PHACTR1: variants seen among roughly 807,000 people sequenced by gnomAD.
PHACTR1 encodes phosphatase and actin regulator 1, also known as RPEL repeat containing 1.
In PHACTR1, 16 loss-of-function variants were observed where a neutral mutation model predicts 69.2. The ratio of observed to expected loss-of-function variants is 0.23; its 90% CI spans 0.16 to 0.35. The LOEUF is 0.35. PHACTR1 is among the 10% of genes least tolerant of loss of function. PHACTR1 has a pLI of 1.00. For missense variants in PHACTR1, 510 were observed against 734.7 expected (o/e 0.69, Z 3.54); for synonymous variants, 312 against 284.5 (o/e 1.10, Z -0.97).
chr6:12,788,082 T>C (rs535656365), intron 4 of PHACTR1, among the ~76,000 whole-genome samples: 1 of 151,698 alleles, frequency 6.6e-6, no homozygotes, highest in South Asian at 2.1e-4. Flanking sequence ...AGCGTGAGTC[T>C]GGGCAGCAGA....
At chr6:12,920,737 G>A (rs1336222711) in intron 4 of PHACTR1, among the ~76,000 whole-genome samples, 2 of 152,222 alleles carry the variant, frequency 1.3e-5, no homozygotes, top group African/African-American at 4.8e-5. Context: ...GGTGAAGTAG[G>A]AGCAAAATAA....
At chr6:13,012,866 T>C (rs1799599127) in intron 4 of PHACTR1, among the ~76,000 whole-genome samples, 1 of 152,124 alleles carries the variant, frequency 6.6e-6, no homozygotes, top group Non-Finnish European at 1.5e-5. Context: ...TAATTACAAG[T>C]TATTGAGCTT....
chr6:12,998,634 A>G (rs1797719085), intron 4 of PHACTR1, among the ~76,000 whole-genome samples: 1 of 151,622 alleles, frequency 6.6e-6, no homozygotes, highest in Non-Finnish European at 1.5e-5. Context: ...AAAAGAAAAG[A>G]AAAAGTAAAA....
chr6:13,284,453 G>A (rs1210652475), intron 13 of PHACTR1, among the ~76,000 whole-genome samples: 1 of 141,716 alleles, frequency 7.1e-6, no homozygotes, highest in African/African-American at 2.7e-5. Context: ...GGAGGTGGAG[G>A]TTGCAGTGAT....
intron 5 of PHACTR1, among the ~76,000 whole-genome samples, chr6:13,055,250 C>G (rs1806591802): frequency 6.6e-6 from 1 of 152,022 alleles, no homozygotes; most frequent in Non-Finnish European, 1.5e-5. Context: ...TAAGTCCCAC[C>G]ACTCTGACTC....
At chr6:12,972,654 CTTTT>C (rs763016264) in intron 4 of PHACTR1, among the ~76,000 whole-genome samples, 7 of 22,336 alleles carry the variant, frequency 3.1e-4, no homozygotes, top group Admixed American at 6.8e-4. Context: ...TTCTTTCTTT[CTTTT>C]TTTTTTTTTT....
At chr6:13,155,656 A>G (rs1009889804) in intron 5 of PHACTR1, among the ~76,000 whole-genome samples, 7 of 152,164 alleles carry the variant, frequency 4.6e-5, no homozygotes, top group African/African-American at 1.7e-4. Flanking sequence ...TTGGGAGGCC[A>G]AGGCGGGCAG....
At chr6:13,117,736 C>T (rs1274314965) in intron 5 of PHACTR1, among the ~76,000 whole-genome samples, 1 of 152,198 alleles carries the variant, frequency 6.6e-6, no homozygotes, top group East Asian at 1.9e-4. Context: ...GCACAGATCA[C>T]ATGACTTTCT....
At chr6:12,867,236 A>C (rs140958098) in intron 4 of PHACTR1, among the ~76,000 whole-genome samples, 1 of 151,980 alleles carries the variant, frequency 6.6e-6, no homozygotes, top group Non-Finnish European at 1.5e-5. Flanking sequence ...CCATCCTAGC[A>C]CTCTAGCCTT....
At chr6:12,886,532 TAGAG>T (rs370479137) in intron 4 of PHACTR1, among the ~76,000 whole-genome samples, 137 of 136,992 alleles carry the variant, frequency 1.0e-3, no homozygotes, top group African/African-American at 4.1e-3. Context: ...TTGAGACAAG[TAGAG>T]AGATTAGATA....
intron 4 of PHACTR1, among the ~76,000 whole-genome samples, chr6:12,819,367 C>G (rs1775949477): frequency 6.6e-6 from 1 of 152,178 alleles, no homozygotes; most frequent in Non-Finnish European, 1.5e-5. Context: ...CACAGTAGCT[C>G]TTGTGGTGAA....
At chr6:12,746,759 G>A (rs982797589) in intron 3 of PHACTR1, among the ~76,000 whole-genome samples, 1 of 152,180 alleles carries the variant, frequency 6.6e-6, no homozygotes, top group Non-Finnish European at 1.5e-5. Flanking sequence ...ATTCAAAGAT[G>A]TACTTCTCTG....
intron 10 of PHACTR1, among the ~76,000 whole-genome samples, chr6:13,258,789 G>A (rs1402026898): frequency 6.6e-6 from 1 of 152,246 alleles, no homozygotes; most frequent in African/African-American, 2.4e-5. Context: ...TATTGGAAAG[G>A]AGCAGGGAAA....
At chr6:13,159,144 T>C (rs1406320366) in intron 5 of PHACTR1, among the ~76,000 whole-genome samples, 1 of 152,182 alleles carries the variant, frequency 6.6e-6, no homozygotes, top group African/African-American at 2.4e-5. Context: ...TGTTACCTCT[T>C]CCTTCCTCCA....
chr6:13,181,885 G>C (rs9381809), intron 6 of PHACTR1, among the ~76,000 whole-genome samples: 33,212 of 151,960 alleles, frequency 0.22, 4,711 homozygotes, highest in East Asian at 0.44. Context: ...TTTTTCCCAA[G>C]TTTTTAGAAA....
chr6:13,025,817 ATAACATT>A (rs1801626605), intron 4 of PHACTR1, among the ~76,000 whole-genome samples: 1 of 152,124 alleles, frequency 6.6e-6, no homozygotes, highest in African/African-American at 2.4e-5. Flanking sequence ...TGGTAGGAAT[ATAACATT>A]TTTAGATTCA....
intron 4 of PHACTR1, among the ~76,000 whole-genome samples, chr6:12,846,440 A>G (rs898934397): frequency 2.0e-5 from 3 of 152,180 alleles, no homozygotes; most frequent in Non-Finnish European, 4.4e-5. Flanking sequence ...TCCTTTCAGC[A>G]TCTTAAGGAC....
chr6:13,013,718 G>C (rs1009013793), intron 4 of PHACTR1, among the ~76,000 whole-genome samples: 33 of 151,400 alleles, frequency 2.2e-4, no homozygotes, highest in African/African-American at 7.5e-4. Context: ...CAGCGAGGTC[G>C]GCGAGGTCAA....
intron 5 of PHACTR1, among the ~76,000 whole-genome samples, chr6:13,068,203 C>T (rs564120280): frequency 9.9e-5 from 15 of 152,118 alleles, no homozygotes; most frequent in Admixed American, 6.5e-4. Flanking sequence ...TGTAGTCCCA[C>T]CTACTCCGGA....
Sources: gnomAD v4.1 joint callset for allele counts (sites outside exome capture counted in the v4.1 genomes callset) on GRCh38, gnomAD v4.1.1 for gene constraint, MANE v1.5 for transcripts, NCBI Gene and HGNC (gene_info 2026-07-23, HGNC 2026-07-21) for gene names.